RIC1: variants seen among roughly 807,000 people sequenced by gnomAD.
RIC1 encodes the protein RIC1 partner of RAB6A GEF complex.
In RIC1, 88 loss-of-function variants were observed where a neutral mutation model predicts 169.0. The ratio of observed to expected loss-of-function variants is 0.52; its 90% confidence interval spans 0.44 to 0.62. The LOEUF (loss-of-function observed/expected upper bound fraction) is 0.62, where lower values mean the gene tolerates loss of function less well. RIC1 is among the 20% of genes least tolerant of loss of function. RIC1 has a pLI of 0.00. For missense variants in RIC1, 1,877 were observed against 1,725.5 expected, an observed-to-expected ratio of 1.09 and a Z score of -1.56; for synonymous variants, 790 against 601.5, an observed-to-expected ratio of 1.31 and a Z score of -4.59.
chr9:5,650,382 G>A (rs1250822602), intron 1 of RIC1, among the ~76,000 whole-genome samples: 1 of 152,120 alleles, frequency 6.6e-6, no homozygotes, highest in South Asian at 2.1e-4. Context: ...TGGGCCCTTG[G>A]GGGTATGTGG....
chr9:5,679,019 G>A (rs1378548863), intron 2 of RIC1, among the ~76,000 whole-genome samples: 2 of 151,992 alleles, frequency 1.3e-5, no homozygotes, highest in African/African-American at 4.8e-5. Context: ...ATTAATTTTT[G>A]TATAAGGTAT....
chr9:5,751,269 T>G (rs569049257), intron 12 of RIC1, among the ~76,000 whole-genome samples: 1 of 151,834 alleles, frequency 6.6e-6, no homozygotes, highest in South Asian at 2.1e-4. Context: ...AAGTTGAAAA[T>G]GCTTTCAAGT....
At chr9:5,759,289 A>G (rs1826194534) in intron 17 of RIC1, among the ~76,000 whole-genome samples, 2 of 152,216 alleles carry the variant, frequency 1.3e-5, no homozygotes, top group Non-Finnish European at 2.9e-5. Context: ...TTGAGGTGAT[A>G]TAACATGAAG....
At chr9:5,739,406 C>T (rs1824929032) in intron 8 of RIC1, among the ~76,000 whole-genome samples, 1 of 152,166 alleles carries the variant, frequency 6.6e-6, no homozygotes, top group Non-Finnish European at 1.5e-5. Context: ...GTGTACCTTC[C>T]ATCATTATCC....
chr9:5,768,526 A>G (rs1319836269), intron 21 of RIC1, among the ~76,000 whole-genome samples: 1 of 152,098 alleles, frequency 6.6e-6, no homozygotes, highest in Non-Finnish European at 1.5e-5. Context: ...AAACCTTGTC[A>G]TTTAAGAAAA....
intron 3 of RIC1, among the ~76,000 whole-genome samples, chr9:5,694,792 G>T (rs1311237793): frequency 1.6e-4 from 15 of 94,074 alleles, no homozygotes; most frequent in African/African-American, 3.8e-4. Context: ...TTGGTTTTTG[G>T]TGGCTTTTTT....
chr9:5,720,494 A>G (rs1823519809), intron 5 of RIC1, 120 bp from the exon 6 acceptor site: 1 of 1,191,762 alleles, frequency 8.4e-7, no homozygotes, highest in Non-Finnish European at 1.2e-6. Flanking sequence ...CAGTTTAATT[A>G]TTTAGGGTTG....
intron 4 of RIC1, among the ~76,000 whole-genome samples, chr9:5,717,867 G>A (rs185280625): frequency 9.3e-5 from 14 of 150,190 alleles, no homozygotes; most frequent in African/African-American, 2.7e-4. Context: ...TCAGCCAGGC[G>A]CAGTGGCTCA....
At chr9:5,730,315 A>C (rs1232481088) in intron 6 of RIC1, among the ~76,000 whole-genome samples, 1 of 152,194 alleles carries the variant, frequency 6.6e-6, no homozygotes, top group African/African-American at 2.4e-5. Context: ...AAGACAGTAA[A>C]GAGTTGCCAG....
Position 5,775,703 on chromosome 9 carries a change from T to A in RIC1, c.*1457T>A, listed in dbSNP as rs998867104. 1 of 152,216 alleles carries A rather than the reference T, an allele frequency of 6.6e-6. No homozygotes were observed. The highest frequency in any genetic ancestry group is 1.9e-4 in the East Asian group (1 of 5,200). The allele number at this position is 152,216 out of a possible 1,614,324, so 9.4% of individuals were successfully genotyped here. On this transcript the variant is annotated 3_prime_UTR_variant, in exon 26 of 26. Coordinates refer to ENST00000414202, the MANE Select transcript of RIC1 (RefSeq NM_020829.4). ...CTTTGAAGAGAAACTCAAAACCATTTTGAAACTGCTTAGTTCAGAATACAT... is the reference window on the plus strand; with the variant it reads ...CTTTGAAGAGAAACTCAAAACCATTATGAAACTGCTTAGTTCAGAATACAT...
At chr9:5,683,885 G>C (rs1205591054) in intron 2 of RIC1, among the ~76,000 whole-genome samples, 2 of 152,096 alleles carry the variant, frequency 1.3e-5, no homozygotes, top group African/African-American at 4.8e-5. Context: ...CTTGCAGTTT[G>C]ATCTCAGACT....
intron 7 of RIC1, among the ~76,000 whole-genome samples, chr9:5,733,263 AT>A (rs71487829): frequency 0.025 from 3,330 of 134,830 alleles, 32 homozygotes; most frequent in Non-Finnish European, 0.027. Context: ...AGTATCAAAG[AT>A]TTTTTTTTTT....
At position 5,629,300 on chromosome 9, in the gene RIC1, C is replaced by A. The variant is rs762538101; in HGVS notation, c.-10C>A. ...ACGCAACTGGGGGCGCCGGGGGCTC[C>A]GCACGGACCATGTATTTTCTGAGCG... is the stretch of plus-strand genomic sequence containing the variant. On this transcript the variant is annotated 5_prime_UTR_variant, in exon 1 of 26. Transcript: ENST00000414202. 6.0e-6 allele frequency: 9 copies of A among 1,502,818 alleles called. No individual in the cohort carries two copies. The South Asian group carries it at 9.9e-5, about 17-fold the overall frequency. 93.1% of individuals were successfully genotyped at this position (1,502,818 alleles called of 1,614,324 possible).
chr9:5,634,421 T>C (rs182406259), intron 1 of RIC1, among the ~76,000 whole-genome samples: 112 of 152,332 alleles, frequency 7.4e-4, no homozygotes, highest in South Asian at 1.2e-3. Context: ...ATAATAGATA[T>C]CCTAACAGGT....
intron 2 of RIC1, among the ~76,000 whole-genome samples, chr9:5,670,127 A>G (rs1263817295): frequency 2.6e-5 from 4 of 152,232 alleles, no homozygotes; most frequent in African/African-American, 7.2e-5. Context: ...CTTTGCCTGT[A>G]TGAAGTTTGC....
chr9:5,774,031 G>A lies in RIC1; in HGVS notation c.4057G>A (p.Val1353Ile). 1 of 1,614,032 alleles carries A rather than the reference G, an allele frequency of 6.2e-7. No homozygotes were observed. Residue 1353 changes from valine to isoleucine, a missense_variant, in exon 26 of 26, where the codon GTC becomes ATC. By Grantham distance (29) the Val-to-Ile change is conservative (BLOSUM62 3). Around this residue, in one of 3 missense-constraint regions of RIC1, gnomAD observed 681 missense variants for 582.0 expected, o/e 1.17. Coordinates refer to ENST00000414202, the MANE Select transcript of RIC1 (RefSeq NM_020829.4). Reference protein sequence around the residue: ...QKLSEITEEQVQPDAFQPITM... With the variant: ...QKLSEITEEQIQPDAFQPITM... Reference sequence around the variant, plus strand: ...GCTCAGTGAGATAACAGAAGAGCAGGTCCAGCCAGATGCCTTCCAACCAAT... The same window carrying A: ...GCTCAGTGAGATAACAGAAGAGCAGATCCAGCCAGATGCCTTCCAACCAAT...
rs1288188506 is a variant in RIC1 at position 5,770,656 on chromosome 9, TTTTA to T, written c.3616+386_3616+389del. Among the ~76,000 whole-genome samples the T allele has an allele frequency of 4.5e-4, 68 of 152,322 alleles. 1 individual carries two copies. Among genetic ancestry groups the T allele is most frequent in the Non-Finnish European group, 4.1e-4 (28 of 68,018 alleles). ...TTTACTGCATTATCATTTTTATGTT[TTTTA>T]TTTATTTTTCTTTTGGAATATGTGA... On this transcript the variant is annotated intron_variant, in intron 23 of 25. Transcript: ENST00000414202.
At chr9:5,759,051 C>A (rs576144839) in intron 17 of RIC1, among the ~76,000 whole-genome samples, 4 of 152,028 alleles carry the variant, frequency 2.6e-5, no homozygotes, top group Non-Finnish European at 4.4e-5. Context: ...CCTTGGTCTC[C>A]CTTCTATAGG....
chr9:5,706,408 C>T (rs1822587285), intron 3 of RIC1, among the ~76,000 whole-genome samples: 1 of 152,044 alleles, frequency 6.6e-6, no homozygotes, highest in Admixed American at 6.6e-5. Context: ...GCTGAGATCG[C>T]ACCACTGCAC....
Sources: gnomAD v4.1 joint callset for allele counts (sites outside exome capture counted in the v4.1 genomes callset) on GRCh38, gnomAD v4.1.1 for gene constraint, gnomAD v4.1.1 regional missense constraint, MANE v1.5 for transcripts, NCBI Gene and HGNC (gene_info 2026-07-23, HGNC 2026-07-21) for gene names.